The following CDH20 variants were observed in gnomAD, a reference collection of about 807,000 sequenced individuals.
CDH20 encodes cadherin 20, also known as cadherin-20.
In CDH20, 29 loss-of-function variants were observed where a neutral mutation model predicts 74.2. The ratio of observed to expected loss-of-function variants is 0.39; its 90% CI spans 0.29 to 0.53. The LOEUF is 0.53. Ranked by LOEUF, CDH20 falls within the 20% of genes least tolerant of loss-of-function variation. CDH20 has a pLI of 0.69. For synonymous variants in CDH20, 469 were observed against 405.4 expected, an observed-to-expected ratio of 1.16 and a Z score of -1.88; for missense variants, 988 against 1,048.3, an observed-to-expected ratio of 0.94 and a Z score of 0.79.
At chr18:61,460,628 T>G (rs1909735075) in intron 1 of CDH20, among the ~76,000 whole-genome samples, 1 of 152,088 alleles carries the variant, frequency 6.6e-6, no homozygotes, top group African/African-American at 2.4e-5. Flanking sequence ...CCCATGGGAG[T>G]TACTAGGGTA....
At chr18:61,432,707 G>T (rs1454872985) in intron 1 of CDH20, among the ~76,000 whole-genome samples, 1 of 152,176 alleles carries the variant, frequency 6.6e-6, no homozygotes, top group Non-Finnish European at 1.5e-5. Context: ...TGCACACACA[G>T]TCTTACAGCC....
intron 6 of CDH20, among the ~76,000 whole-genome samples, chr18:61,524,796 G>A (rs149816843): frequency 7.9e-5 from 12 of 152,120 alleles, no homozygotes; most frequent in South Asian, 6.2e-4. Flanking sequence ...TGGCACACAC[G>A]TGTAGTCCCA....
chr18:61,521,549 G>A (rs896387742), intron 6 of CDH20, among the ~76,000 whole-genome samples: 19 of 151,280 alleles, frequency 1.3e-4, no homozygotes, highest in Non-Finnish European at 2.1e-4. Context: ...TACAAAAAGA[G>A]GAACTCCACC....
chr18:61,464,634 C>A (rs928411438), intron 1 of CDH20, among the ~76,000 whole-genome samples: 7 of 152,158 alleles, frequency 4.6e-5, no homozygotes, highest in African/African-American at 1.7e-4. Context: ...CAGTTCCCTG[C>A]CAAAACTATC....
chr18:61,454,467 A>G (rs759765610), intron 1 of CDH20, among the ~76,000 whole-genome samples: 17 of 152,232 alleles, frequency 1.1e-4, no homozygotes, highest in Non-Finnish European at 1.9e-4. Flanking sequence ...TTTATTTGAC[A>G]TGTAAGGAAA....
chr18:61,486,051 C>T (rs931860427), intron 1 of CDH20, among the ~76,000 whole-genome samples: 5 of 150,848 alleles, frequency 3.3e-5, no homozygotes, highest in East Asian at 3.9e-4. Context: ...CCAGCCTGGG[C>T]GACAGAGCGA....
In CDH20 at chr18:61,536,566, G is replaced by A; in HGVS notation, c.1345G>A (p.Ala449Thr). 6 of 1,613,612 alleles carry A rather than the reference G, an allele frequency of 3.7e-6. No homozygotes were observed. The highest frequency in any genetic ancestry group is 5.1e-6 in the Non-Finnish European group (6 of 1,179,536). ...VDITTGALMT[A>T]RPLDREEFSW... ...CATTACAACAGGTGCCCTAATGACA[G>A]CAAGACCCCTAGACCGGGAAGAATT... Residue 449 changes from alanine (A) to threonine (T), a missense_variant, in exon 8 of 12, where the codon GCA becomes ACA. By Grantham distance (58) the Ala-to-Thr change is moderately conservative (BLOSUM62 0). Transcript: ENST00000262717.
chr18:61,427,411 G>A (rs1913108393), intron 1 of CDH20, among the ~76,000 whole-genome samples: 1 of 152,046 alleles, frequency 6.6e-6, no homozygotes, highest in Non-Finnish European at 1.5e-5. Flanking sequence ...AGAAAGCGGA[G>A]GAATCATGAT....
At chr18:61,406,305 A>G (rs550633924) in intron 1 of CDH20, among the ~76,000 whole-genome samples, 1 of 152,352 alleles carries the variant, frequency 6.6e-6, no homozygotes, top group South Asian at 2.1e-4. Flanking sequence ...GATAAGTAAT[A>G]GGATAAAATG....
In CDH20 at chr18:61,340,679, C is replaced by T. The variant is rs559406173; in HGVS notation, c.-153+6852C>T. On this transcript the variant is annotated intron_variant, in intron 1 of 11. Coordinates refer to ENST00000262717, the MANE Select transcript of CDH20 (RefSeq NM_031891.4). ...ACTAGCATACACCCTTTATCATATT[C>T]ACGATTGTTTCACTTGGTAAACTCA... Among the ~76,000 whole-genome samples the T allele has an allele frequency of 3.3e-5, 5 of 152,286 alleles. No individual in the cohort carries two copies. In the South Asian group the frequency reaches 1.0e-3, roughly 32 times the overall value.
At chr18:61,519,169 G>T (rs965659451) in intron 6 of CDH20, among the ~76,000 whole-genome samples, 1 of 151,350 alleles carries the variant, frequency 6.6e-6, no homozygotes, top group East Asian at 1.9e-4. Flanking sequence ...AAGTGACGGG[G>T]AGAATGGAAC....
At chr18:61,550,333 C>T (rs920573011) in intron 11 of CDH20, 104 bp downstream of exon 11, 1 of 1,374,154 alleles carries the variant, frequency 7.3e-7, no homozygotes, top group Non-Finnish European at 1.0e-6. Context: ...GTCTTCCACA[C>T]CTTGCTTACT....
intron 6 of CDH20, among the ~76,000 whole-genome samples, chr18:61,511,055 T>C (rs1334049752): frequency 6.7e-6 from 1 of 148,924 alleles, no homozygotes; most frequent in Non-Finnish European, 1.5e-5. Flanking sequence ...GGCACAATCA[T>C]GGCTCACTGC....
At chr18:61,481,133 T>C (rs73451474) in intron 1 of CDH20, among the ~76,000 whole-genome samples, 2,267 of 152,276 alleles carry the variant, frequency 0.015, 51 homozygotes, top group African/African-American at 0.051. Flanking sequence ...CATAGATACA[T>C]GGATAAAAGA....
At chr18:61,336,093 G>A (rs998216431) in intron 1 of CDH20, among the ~76,000 whole-genome samples, 5 of 152,164 alleles carry the variant, frequency 3.3e-5, no homozygotes, top group Non-Finnish European at 7.3e-5. Flanking sequence ...GTTGTTAGGG[G>A]AACTGTTACA....
intron 6 of CDH20, among the ~76,000 whole-genome samples, chr18:61,515,192 T>C (rs1293761671): frequency 1.3e-5 from 2 of 152,120 alleles, no homozygotes; most frequent in Non-Finnish European, 2.9e-5. Flanking sequence ...GTGCGGGATA[T>C]AATCTCGTGG....
intron 1 of CDH20, among the ~76,000 whole-genome samples, chr18:61,367,434 T>G (rs1322516165): frequency 6.6e-6 from 1 of 152,210 alleles, no homozygotes; most frequent in African/African-American, 2.4e-5. Context: ...AGATTTATTA[T>G]CTCACAGACC....
At chr18:61,450,180 A>G (rs537602124) in intron 1 of CDH20, among the ~76,000 whole-genome samples, 1 of 152,068 alleles carries the variant, frequency 6.6e-6, no homozygotes, top group African/African-American at 2.4e-5. Context: ...AGGTACCACT[A>G]TTACCATTAT....
intron 6 of CDH20, among the ~76,000 whole-genome samples, chr18:61,510,630 A>G (rs1224682246): frequency 1.3e-5 from 2 of 152,238 alleles, no homozygotes; most frequent in Non-Finnish European, 2.9e-5. Context: ...AAGGAACAGA[A>G]TCACAGCAAA....
Sources: gnomAD v4.1 joint callset for allele counts (sites outside exome capture counted in the v4.1 genomes callset) on GRCh38, gnomAD v4.1.1 for gene constraint, MANE v1.5 for transcripts, NCBI Gene and HGNC (gene_info 2026-07-23, HGNC 2026-07-21) for gene names.